The following RTN4 variants were observed in gnomAD, a reference collection of about 807,000 sequenced individuals.
The protein encoded by RTN4 is reticulon-4.
Under a neutral mutation model 90.4 loss-of-function variants are expected in RTN4, and 32 were observed. The ratio of observed to expected loss-of-function variants is 0.35; its 90% CI spans 0.27 to 0.48. The LOEUF (loss-of-function observed/expected upper bound fraction) is 0.48. RTN4 is among the 20% of genes least tolerant of loss of function. RTN4 has a pLI of 0.99. For missense variants in RTN4, 1,706 were observed against 1,430.2 expected, an observed-to-expected ratio of 1.19 and a Z score of -3.11; for synonymous variants, 629 against 552.5, an observed-to-expected ratio of 1.14 and a Z score of -1.94.
the RTN4 span, among the ~76,000 whole-genome samples, chr2:55,124,393 G>C: frequency 3.3e-5 from 5 of 152,214 alleles, no homozygotes; most frequent in African/African-American, 9.6e-5. Context: ...GGCATGTAAG[G>C]CTAAATCAAA....
chr2:54,989,886 T>G (rs1321686567), intron 3 of RTN4, among the ~76,000 whole-genome samples: 1 of 152,158 alleles, frequency 6.6e-6, no homozygotes, highest in African/African-American at 2.4e-5. Context: ...TTCTAATAAT[T>G]AATGCCTTTT....
chr2:55,123,316 T>C, the RTN4 span, among the ~76,000 whole-genome samples: 4 of 152,196 alleles, frequency 2.6e-5, no homozygotes, highest in African/African-American at 9.6e-5. Flanking sequence ...ATTAAATTCA[T>C]ACTTACTTGA....
intron 4 of RTN4, among the ~76,000 whole-genome samples, chr2:54,987,120 T>C (rs1458656627): frequency 6.6e-6 from 1 of 151,892 alleles, no homozygotes; most frequent in Non-Finnish European, 1.5e-5. Flanking sequence ...ACTAGAAAGA[T>C]ACGAAATATC....
chr2:55,108,517 A>G (rs1040548828), intron 1 of RTN4, among the ~76,000 whole-genome samples: 3 of 152,006 alleles, frequency 2.0e-5, no homozygotes, highest in African/African-American at 4.8e-5. Flanking sequence ...TGCTAGCCAT[A>G]CTGAATAGGG....
chr2:55,102,590 C>G (rs904616251), intron 1 of RTN4, among the ~76,000 whole-genome samples: 3 of 152,062 alleles, frequency 2.0e-5, no homozygotes, highest in Non-Finnish European at 2.9e-5. Flanking sequence ...TCACAAGAAT[C>G]TGGTGGCTGA....
chr2:55,046,617 T>C (rs1667751005), intron 1 of RTN4, among the ~76,000 whole-genome samples: 1 of 152,224 alleles, frequency 6.6e-6, no homozygotes, highest in Admixed American at 6.5e-5. Context: ...TTTATGTGCT[T>C]ATTATCTGTA....
intron 3 of RTN4, among the ~76,000 whole-genome samples, chr2:54,996,914 C>T (rs1389675842): frequency 6.6e-6 from 1 of 152,064 alleles, no homozygotes; most frequent in African/African-American, 2.4e-5. Context: ...GTCACAGCAC[C>T]TAGCCAGAAA....
chr2:54,990,972 C>T (rs375169019), intron 3 of RTN4, among the ~76,000 whole-genome samples: 39 of 151,998 alleles, frequency 2.6e-4, no homozygotes, highest in East Asian at 2.3e-3. Flanking sequence ...TTAGTAGAGA[C>T]GGGGTTTCAC....
At chr2:55,065,803 T>C (rs1387836997) in intron 2 of RTN4, among the ~76,000 whole-genome samples, 2 of 152,094 alleles carry the variant, frequency 1.3e-5, no homozygotes, top group South Asian at 4.1e-4. Context: ...ATTAGAACAA[T>C]GGTTACTGGG....
chr2:55,110,531 A>C (rs1327808281), intron 1 of RTN4, among the ~76,000 whole-genome samples: 1 of 152,132 alleles, frequency 6.6e-6, no homozygotes, highest in Admixed American at 6.6e-5. Context: ...AGGCTCAAAA[A>C]ATTCTTGCTG....
At chr2:55,076,912 T>C (rs1483158354) in intron 2 of RTN4, among the ~76,000 whole-genome samples, 1 of 152,132 alleles carries the variant, frequency 6.6e-6, no homozygotes, top group Non-Finnish European at 1.5e-5. Context: ...TTGCCTCCCC[T>C]TCCACCATGA....
At chr2:55,038,576 A>G (rs1409637892) in intron 1 of RTN4, among the ~76,000 whole-genome samples, 1 of 152,210 alleles carries the variant, frequency 6.6e-6, no homozygotes, top group East Asian at 1.9e-4. Flanking sequence ...ATGAGGAACC[A>G]CTACATAACC....
At chr2:55,039,364 CTCA>C (rs1682905521) in intron 1 of RTN4, among the ~76,000 whole-genome samples, 1 of 152,158 alleles carries the variant, frequency 6.6e-6, no homozygotes, top group Admixed American at 6.5e-5. Context: ...CAAGGGAGAA[CTCA>C]TCGATAGATT....
chr2:55,129,971 A>C, the RTN4 span, among the ~76,000 whole-genome samples: 1 of 152,246 alleles, frequency 6.6e-6, no homozygotes, highest in East Asian at 1.9e-4. Context: ...TAAAATGTGC[A>C]TGCTCTTTGA....
the RTN4 span, among the ~76,000 whole-genome samples, chr2:55,125,043 T>C: frequency 6.6e-6 from 1 of 152,160 alleles, no homozygotes; most frequent in African/African-American, 2.4e-5. Flanking sequence ...CCCTTTCTTA[T>C]ACCATACACA....
intron 1 of RTN4, among the ~76,000 whole-genome samples, chr2:55,045,210 G>A (rs1260989824): frequency 6.6e-6 from 1 of 152,064 alleles, no homozygotes; most frequent in African/African-American, 2.4e-5. Context: ...AAATTTTCAT[G>A]GCAATTAAAT....
At chr2:55,080,401 G>C (rs1213079623) in intron 2 of RTN4, 1 of 152,004 alleles carries the variant, frequency 6.6e-6, no homozygotes, top group Admixed American at 6.5e-5. Flanking sequence ...GTAGGTGGCA[G>C]TCTTGAGCAA....
intron 3 of RTN4, among the ~76,000 whole-genome samples, chr2:55,022,647 AG>A (rs1326400787): frequency 1.3e-5 from 2 of 152,130 alleles, no homozygotes; most frequent in African/African-American, 4.8e-5. Flanking sequence ...CCATCCTGCC[AG>A]TTACCTCACT....
intron 5 of RTN4, among the ~76,000 whole-genome samples, chr2:54,981,742 A>T (rs548708533): frequency 6.6e-6 from 1 of 152,276 alleles, no homozygotes; most frequent in Admixed American, 6.5e-5. Flanking sequence ...GTTGAAGATT[A>T]GTTGAAGTGT....
Sources: gnomAD v4.1 joint callset for allele counts (sites outside exome capture counted in the v4.1 genomes callset) on GRCh38, gnomAD v4.1.1 for gene constraint, MANE v1.5 for transcripts, NCBI Gene and HGNC (gene_info 2026-07-23, HGNC 2026-07-21) for gene names.